CDH8: variants seen among roughly 807,000 people sequenced by gnomAD.
CDH8 encodes the protein cadherin 8.
Under a neutral mutation model 68.1 loss-of-function variants are expected in CDH8, and 17 were observed. The ratio of observed to expected loss-of-function variants is 0.25; its 90% CI spans 0.17 to 0.37. The LOEUF is 0.37. Among genes scored for constraint, CDH8 ranks in the 10% least tolerant of loss-of-function variants. CDH8 has a pLI of 1.00. For missense variants in CDH8, 763 were observed against 999.3 expected (o/e 0.76, Z 3.19); for synonymous variants, 372 against 365.1 (o/e 1.02, Z -0.21).
intron 2 of CDH8, among the ~76,000 whole-genome samples, chr16:61,927,745 T>G (rs1300420629): frequency 3.9e-5 from 6 of 152,200 alleles, no homozygotes; most frequent in Admixed American, 3.9e-4. Flanking sequence ...TCTGTTGTGA[T>G]GCCTCAGTAG....
At chr16:61,768,534 C>T (rs559192479) in intron 8 of CDH8, among the ~76,000 whole-genome samples, 2 of 151,154 alleles carry the variant, frequency 1.3e-5, no homozygotes, top group African/African-American at 2.4e-5. Flanking sequence ...TATCAATGGG[C>T]GAGTCTTGAT....
chr16:62,026,510 T>G (rs1902201787), intron 1 of CDH8, among the ~76,000 whole-genome samples: 1 of 152,198 alleles, frequency 6.6e-6, no homozygotes, highest in African/African-American at 2.4e-5. Flanking sequence ...CACTTCCTCA[T>G]GTCATTGAAT....
chr16:61,862,693 G>A (rs971897241), intron 3 of CDH8, among the ~76,000 whole-genome samples: 2 of 152,152 alleles, frequency 1.3e-5, no homozygotes, highest in South Asian at 2.1e-4. Flanking sequence ...TGGATGTTTC[G>A]AGGTTAATCT....
intron 10 of CDH8, among the ~76,000 whole-genome samples, chr16:61,661,684 T>C (rs1319880840): frequency 1.3e-5 from 2 of 151,690 alleles, no homozygotes; most frequent in African/African-American, 4.8e-5. Flanking sequence ...ATCAGCCATA[T>C]AAAAAGAAGA....
intron 10 of CDH8, among the ~76,000 whole-genome samples, chr16:61,664,506 A>T (rs58808943): frequency 6.6e-6 from 1 of 151,836 alleles, no homozygotes; most frequent in Admixed American, 6.6e-5. Context: ...TGTTGTAAAT[A>T]GTTATATGTG....
intron 1 of CDH8, among the ~76,000 whole-genome samples, chr16:62,029,409 G>A (rs1026983351): frequency 6.6e-6 from 1 of 152,100 alleles, no homozygotes. Context: ...CATGAACCAG[G>A]GTGGGTATAA....
chr16:61,796,732 C>T (rs1039097250), intron 7 of CDH8, among the ~76,000 whole-genome samples: 21 of 151,892 alleles, frequency 1.4e-4, no homozygotes, highest in East Asian at 5.8e-4. Context: ...TTTTACTTTG[C>T]GGAATTAAGG....
intron 4 of CDH8, 114 bp from the exon 5 acceptor site, chr16:61,825,293 T>C (rs1440367723): frequency 2.1e-5 from 15 of 727,140 alleles, no homozygotes; most frequent in Non-Finnish European, 3.1e-5. Context: ...CCTAGTCAGA[T>C]AATTTTCTGT....
At chr16:61,790,759 A>T (rs772018644) in intron 7 of CDH8, among the ~76,000 whole-genome samples, 1 of 152,022 alleles carries the variant, frequency 6.6e-6, no homozygotes, top group Admixed American at 6.6e-5. Flanking sequence ...CATTGAAAAC[A>T]TTATGTATGT....
chr16:61,960,252 T>TACAC lies in CDH8; in HGVS notation c.253-58783_253-58780dup, dbSNP rs541010069. Among the ~76,000 whole-genome samples, 38 of 101,232 alleles carry TACAC rather than the reference T, an allele frequency of 3.8e-4. 13 individuals are homozygous for TACAC. The highest frequency in any genetic ancestry group is 5.6e-4 in the Admixed American group (6 of 10,776). The allele number at this position is 101,232 out of a possible 152,430, so 66.4% of individuals were successfully genotyped here. A position where few individuals can be genotyped will look rare whatever the true frequency, so the allele number is the denominator to read the frequency against. ...ACACATATATACATGTGTGTGTGTA[T>TACAC]ACACATACATATATACGTGTGTGTG... On this transcript the variant is annotated intron_variant, in intron 2 of 11. Coordinates refer to ENST00000577390, the MANE Select transcript of CDH8 (RefSeq NM_001796.5).
In CDH8 at chr16:61,960,211, ATGTGTGTGTG is replaced by A. The variant is rs139997647; in HGVS notation, c.253-58748_253-58739del. ...TGTGTGTATACACATACATATATAC[ATGTGTGTGTG>A]TATACACACATATATACATGTGTGT... On this transcript the variant is annotated intron_variant, in intron 2 of 11. Coordinates refer to ENST00000577390, the MANE Select transcript of CDH8 (RefSeq NM_001796.5). Among the ~76,000 whole-genome samples, 19 of 33,510 alleles carry A rather than the reference ATGTGTGTGTG, an allele frequency of 5.7e-4. 3 individuals are homozygous for A. The highest frequency in any genetic ancestry group is 1.9e-3 in the African/African-American group (10 of 5,220). 22.0% of individuals were successfully genotyped at this position (33,510 alleles called of 152,430 possible). A position where few individuals can be genotyped will look rare whatever the true frequency, so the allele number is the denominator to read the frequency against.
intron 1 of CDH8, among the ~76,000 whole-genome samples, chr16:62,031,749 G>A (rs1902332462): frequency 1.3e-5 from 2 of 149,324 alleles, no homozygotes; most frequent in South Asian, 4.2e-4. Context: ...AATAGCACAT[G>A]ACATTTAAAA....
intron 10 of CDH8, among the ~76,000 whole-genome samples, chr16:61,689,589 A>C (rs370102809): frequency 1.3e-5 from 2 of 152,082 alleles, no homozygotes; most frequent in African/African-American, 4.8e-5. Flanking sequence ...TAAAATGAGG[A>C]TAACAATAAT....
At chr16:62,030,989 G>T (rs1902311829) in intron 1 of CDH8, among the ~76,000 whole-genome samples, 1 of 151,784 alleles carries the variant, frequency 6.6e-6, no homozygotes, top group South Asian at 2.1e-4. Flanking sequence ...AAAGAAGGAG[G>T]GCAGGAAGGA....
At chr16:61,897,213 G>T (rs965418684) in intron 3 of CDH8, among the ~76,000 whole-genome samples, 1 of 151,796 alleles carries the variant, frequency 6.6e-6, no homozygotes, top group Non-Finnish European at 1.5e-5. Flanking sequence ...ACATGTGTAT[G>T]TATGTATTTA....
chr16:61,898,155 C>A (rs970002635), intron 3 of CDH8, among the ~76,000 whole-genome samples: 1 of 152,050 alleles, frequency 6.6e-6, no homozygotes, highest in Non-Finnish European at 1.5e-5. Context: ...CAAAAATTAG[C>A]CGGGCATGGT....
chr16:61,652,763 A>G lies in CDH8; in HGVS notation c.*845T>C. 27 of 1,325,314 alleles carry G rather than the reference A, an allele frequency of 2.0e-5. No individual in the cohort carries two copies. The highest frequency in any genetic ancestry group is 2.5e-5 in the Non-Finnish European group (26 of 1,037,602). The allele number at this position is 1,325,314 out of a possible 1,614,324, so 82.1% of individuals were successfully genotyped here. A position where few individuals can be genotyped will look rare whatever the true frequency, so the allele number is the denominator to read the frequency against. ...ATTAATGGACATCAATAAAATATTTATTTCGAGGATTAAACAAATAAATTC... is the reference window on the plus strand; with the variant it reads ...ATTAATGGACATCAATAAAATATTTGTTTCGAGGATTAAACAAATAAATTC... On this transcript the variant is annotated 3_prime_UTR_variant, in exon 12 of 12. Coordinates refer to ENST00000577390, the MANE Select transcript of CDH8 (RefSeq NM_001796.5).
chr16:61,666,652 T>C (rs899442456), intron 10 of CDH8, among the ~76,000 whole-genome samples: 2 of 151,930 alleles, frequency 1.3e-5, no homozygotes, highest in African/African-American at 2.4e-5. Flanking sequence ...GCGAGAAATG[T>C]TGCCTGACAT....
chr16:61,963,564 G>C (rs1000540179), intron 2 of CDH8, among the ~76,000 whole-genome samples: 2 of 152,228 alleles, frequency 1.3e-5, no homozygotes, highest in African/African-American at 4.8e-5. Flanking sequence ...CTCAGGCCAA[G>C]GGAGGTGTTA....
Sources: allele counts gnomAD v4.1 joint callset (sites outside exome capture counted in the v4.1 genomes callset), GRCh38; gene constraint gnomAD v4.1.1; transcripts MANE v1.5; gene names NCBI Gene and HGNC (gene_info 2026-07-23, HGNC 2026-07-21).